AGTPBP1: variants seen among roughly 807,000 people sequenced by gnomAD.
AGTPBP1 encodes cytosolic carboxypeptidase 1.
A neutral mutation model predicts 143.9 loss-of-function variants in AGTPBP1; 70 were observed. That is an observed-to-expected ratio of 0.49 (90% confidence interval 0.40 to 0.59). AGTPBP1 has a LOEUF of 0.59. Among genes scored for constraint, AGTPBP1 ranks in the 20% least tolerant of loss-of-function variants. The probability of loss-of-function intolerance (pLI) is 0.00; values close to 1 mark genes in which losing one functional copy is unlikely to be tolerated. For missense variants in AGTPBP1, 1,229 were observed against 1,464.5 expected, an observed-to-expected ratio of 0.84 and a Z score of 2.62; for synonymous variants, 463 against 500.2, an observed-to-expected ratio of 0.93 and a Z score of 0.99.
Position 85,655,219 on chromosome 9 carries a change from T to C in AGTPBP1, c.1011A>G (p.Lys337=), listed in dbSNP as rs768281368. 2.5e-6 allele frequency: 4 copies of C among 1,611,476 alleles called. No homozygotes were observed. In the South Asian group the frequency reaches 4.4e-5, roughly 18 times the overall value. The change falls in exon 11 of 26, where the codon AAA becomes AAG. Residue 337 remains lysine (K), a synonymous_variant. Transcript: ENST00000357081. ...PKNRLPLPTI[K]SSFHFQLPVI... is the part of the protein sequence containing the mutation. ...CAGGCAACTGGAAATGAAAAGAACT[T>C]TTAATTGTTGGGAGTGGCAGTCGAT...
chr9:85,642,908 T>C lies in AGTPBP1; in HGVS notation c.1221A>G (p.Lys407=). ...DDIETDINKL[K]PQQEPGRTIE... ...TTGTTCGTCCCGGTTCTTGCTGGGG[T>C]TTTAGTTTGTTAATATCTGTTTCAA... is the stretch of plus-strand genomic sequence containing the variant. The change falls in exon 13 of 26, where the codon AAA becomes AAG. Residue 407 remains lysine, a synonymous_variant. Transcript: ENST00000357081. 6.2e-7 allele frequency: 1 copy of C among 1,613,290 alleles called. No homozygotes were observed. Among genetic ancestry groups the C allele is most frequent in the Non-Finnish European group, 8.5e-7 (1 of 1,179,650 alleles).
In AGTPBP1 at chr9:85,557,410, T is replaced by C. The variant is rs182617116; in HGVS notation, c.3504-10124A>G. ...AATACAAATGGAGCACTTTTAGTTA[T>C]AAGCAACTACGATTTCCAAAGTACA... On this transcript the variant is annotated intron_variant, in intron 25 of 25. Transcript: ENST00000357081. Among the ~76,000 whole-genome samples, 62 of 152,312 alleles carry C rather than the reference T, an allele frequency of 4.1e-4. 2 individuals are homozygous for C. In the East Asian group the frequency reaches 8.1e-3, roughly 20 times the overall value.
chr9:85,702,517 T>G (rs534810357), intron 2 of AGTPBP1, among the ~76,000 whole-genome samples: 1 of 152,276 alleles, frequency 6.6e-6, no homozygotes, highest in East Asian at 1.9e-4. Context: ...ATCTCTCAAT[T>G]TATCTGTTTC....
chr9:85,770,360 T>C, the AGTPBP1 span: 1 of 1,607,252 alleles, frequency 6.2e-7, no homozygotes, highest in Non-Finnish European at 8.5e-7. Flanking sequence ...AATGAAAGTA[T>C]CCAGAATTGC....
At chr9:85,656,378 T>C (rs996186451) in intron 10 of AGTPBP1, among the ~76,000 whole-genome samples, 1 of 152,118 alleles carries the variant, frequency 6.6e-6, no homozygotes, top group Non-Finnish European at 1.5e-5. Context: ...TTCTCATATA[T>C]AAAATATCCA....
At chr9:85,722,906 G>C (rs1838225688) in intron 1 of AGTPBP1, among the ~76,000 whole-genome samples, 1 of 152,118 alleles carries the variant, frequency 6.6e-6, no homozygotes, top group African/African-American at 2.4e-5. Flanking sequence ...CTTTCTGTTA[G>C]TTTTCCTTCT....
At chr9:85,736,263 T>C (rs1292506214) in intron 1 of AGTPBP1, among the ~76,000 whole-genome samples, 1 of 152,202 alleles carries the variant, frequency 6.6e-6, no homozygotes, top group African/African-American at 2.4e-5. Flanking sequence ...ATAACCTTTA[T>C]TGTACTTAAT....
chr9:85,758,456 C>G, the AGTPBP1 span, among the ~76,000 whole-genome samples: 71 of 152,192 alleles, frequency 4.7e-4, no homozygotes, highest in African/African-American at 1.6e-3. Flanking sequence ...ACCAGCCTGA[C>G]CAACATGGTG....
intron 17 of AGTPBP1, among the ~76,000 whole-genome samples, chr9:85,608,309 A>G (rs1830105504): frequency 6.6e-6 from 1 of 152,144 alleles, no homozygotes; most frequent in African/African-American, 2.4e-5. Flanking sequence ...AACCTCCTAC[A>G]TAAGGCAGAA....
intron 14 of AGTPBP1, among the ~76,000 whole-genome samples, chr9:85,630,301 C>T (rs907418096): frequency 2.0e-5 from 3 of 152,234 alleles, no homozygotes; most frequent in African/African-American, 7.2e-5. Context: ...CATCCTCAAT[C>T]ACTGCAACTG....
At chr9:85,549,100 T>C (rs1825893302) in intron 25 of AGTPBP1, among the ~76,000 whole-genome samples, 1 of 152,148 alleles carries the variant, frequency 6.6e-6, no homozygotes. Context: ...AATGGAAAAC[T>C]AACTGAAGCA....
At chr9:85,758,405 G>C in the AGTPBP1 span, among the ~76,000 whole-genome samples, 2,618 of 152,260 alleles carry the variant, frequency 0.017, 79 homozygotes, top group African/African-American at 0.06. Context: ...AGCACTTTGG[G>C]AGGCCAAGGC....
chr9:85,721,470 G>A (rs1838110073), intron 1 of AGTPBP1, among the ~76,000 whole-genome samples: 1 of 149,272 alleles, frequency 6.7e-6, no homozygotes. Flanking sequence ...TTTTATCAGA[G>A]ACTAGGATTG....
intron 14 of AGTPBP1, among the ~76,000 whole-genome samples, chr9:85,625,478 A>AT (rs1399334435): frequency 1.3e-5 from 2 of 151,788 alleles, no homozygotes; most frequent in Admixed American, 6.6e-5. Context: ...CCTTTCCCTT[A>AT]TTTTTCATTT....
intron 2 of AGTPBP1, among the ~76,000 whole-genome samples, chr9:85,709,622 G>C (rs927251293): frequency 6.6e-6 from 1 of 152,196 alleles, no homozygotes; most frequent in African/African-American, 2.4e-5. Context: ...TATAGAAGAG[G>C]AGGAGGAAGA....
Position 85,692,175 on chromosome 9 carries a change from T to A in AGTPBP1, c.157+514A>T, listed in dbSNP as rs574589682. On this transcript the variant is annotated intron_variant, in intron 3 of 25. Coordinates refer to ENST00000357081, the MANE Select transcript of AGTPBP1 (RefSeq NM_001330701.2). ...TAAATGGGAGGGTGGTAATCATATA[T>A]AAGTAAAATTGTAATCATTATTAGA... 3.9e-5 allele frequency among the ~76,000 whole-genome samples: 6 copies of A among 152,254 alleles called. No individual in the cohort carries two copies. The South Asian group carries it at 1.0e-3, about 26-fold the overall frequency.
At chr9:85,644,852 T>C (rs1470762094) in intron 12 of AGTPBP1, among the ~76,000 whole-genome samples, 1 of 151,642 alleles carries the variant, frequency 6.6e-6, no homozygotes, top group Non-Finnish European at 1.5e-5. Flanking sequence ...AGGATTCAGA[T>C]AAAAAAAGGA....
chr9:85,741,894 AG>A lies in AGTPBP1; in HGVS notation c.-154del. 1 of 1,363,828 alleles carries A rather than the reference AG, an allele frequency of 7.3e-7. No individual in the cohort carries two copies. The highest frequency in any genetic ancestry group is 9.4e-7 in the Non-Finnish European group (1 of 1,060,054). The allele number at this position is 1,363,828 out of a possible 1,614,324, so 84.5% of individuals were successfully genotyped here. A position where few individuals can be genotyped will look rare whatever the true frequency, so the allele number is the denominator to read the frequency against. The stretch of plus-strand genomic sequence containing the variant: ...GTGTTTTCATACAAACCCCGGTGGC[AG>A]GCGAGGCGGAGGCGGCGGCGGCGGC... On this transcript the variant is annotated 5_prime_UTR_variant, in exon 1 of 26. Transcript: ENST00000357081.
chr9:85,633,214 C>G lies in AGTPBP1; in HGVS notation c.1463G>C (p.Gly488Ala). 1.9e-6 allele frequency: 3 copies of G among 1,613,518 alleles called. No homozygotes were observed. Among genetic ancestry groups the G allele is most frequent in the Non-Finnish European group, 2.5e-6 (3 of 1,179,910 alleles). The change falls in exon 14 of 26, where the codon GGT becomes GCT. Residue 488 changes from glycine to alanine, a missense_variant. Physicochemically the swap from Gly to Ala is moderately conservative, Grantham distance 60 (BLOSUM62 0). Coordinates refer to ENST00000357081, the MANE Select transcript of AGTPBP1 (RefSeq NM_001330701.2). ...ATCCATAAAGGTAGACTTCTTTTCA[C>G]CTTCATCTCCTTTAGAAGATATGTT... ...KENISSKGDE[G>A]EKKSTFMDLA... is the part of the protein sequence containing the mutation.
Sources: gnomAD v4.1 joint callset for allele counts (sites outside exome capture counted in the v4.1 genomes callset) on GRCh38, gnomAD v4.1.1 for gene constraint, MANE v1.5 for transcripts, NCBI Gene and HGNC (gene_info 2026-07-23, HGNC 2026-07-21) for gene names.